SEC63: variants seen among roughly 807,000 people sequenced by gnomAD.
SEC63 encodes the protein translocation protein SEC63 homolog.
Under a neutral mutation model 116.2 loss-of-function variants are expected in SEC63, and 56 were observed. The ratio of observed to expected loss-of-function variants is 0.48; its 90% CI spans 0.39 to 0.60. SEC63 has a LOEUF of 0.60. Among genes scored for constraint, SEC63 ranks in the 20% least tolerant of loss-of-function variants. SEC63 has a pLI of 0.00. For synonymous variants in SEC63, 273 were observed against 294.6 expected (o/e 0.93, Z 0.75); for missense variants, 668 against 900.0 (o/e 0.74, Z 3.30).
Position 107,871,711 on chromosome 6 carries a change from T to C in SEC63, c.2276A>G (p.Asp759Gly). 1 of 1,612,560 alleles carries C rather than the reference T, an allele frequency of 6.2e-7. No homozygotes were observed. Among genetic ancestry groups the C allele is most frequent in the Non-Finnish European group, 8.5e-7 (1 of 1,179,750 alleles). ...GTCCATTCAGAGTACTGCTTAGTCA[T>C]CATCTTCTTCTTCCTCCTCTTCTTC... ...FEEEEEEEED[D>G]D is the part of the protein sequence containing the mutation. The change falls in exon 21 of 21, where the codon GAT becomes GGT. Residue 759 changes from aspartate (D) to glycine (G), a missense_variant. Physicochemically the swap from Asp to Gly is moderately conservative, Grantham distance 94. This residue lies in a region of SEC63 where 85 missense variants were observed against 116.3 expected (regional missense o/e 0.73). Transcript: ENST00000369002.
intron 16 of SEC63, among the ~76,000 whole-genome samples, chr6:107,886,990 T>C (rs1243953002): frequency 6.6e-6 from 1 of 152,176 alleles, no homozygotes; most frequent in East Asian, 1.9e-4. Context: ...TTGCCTAGGT[T>C]TTCTTCTAGG....
rs1562309753 is a variant in SEC63, at chr6:107,869,914, CA to C, written c.*1789del. 3.2e-4 allele frequency: 2 copies of C among 6,172 alleles called. No individual in the cohort carries two copies. Among genetic ancestry groups the C allele is most frequent in the Non-Finnish European group, 1.6e-3 (2 of 1,256 alleles). 0.4% of individuals were successfully genotyped at this position (6,172 alleles called of 1,614,324 possible). A position where few individuals can be genotyped will look rare whatever the true frequency, so the allele number is the denominator to read the frequency against. ...AAAGTAGCCACTAGAAAAAAAAAAA[CA>C]ACTTTTCTTGAAATCTTTCAAGAAA... On this transcript the variant is annotated 3_prime_UTR_variant, in exon 21 of 21. Transcript: ENST00000369002.
At chr6:107,900,442 GACC>G (rs772905585) in intron 13 of SEC63, among the ~76,000 whole-genome samples, 5 of 151,936 alleles carry the variant, frequency 3.3e-5, no homozygotes, top group Admixed American at 6.6e-5. Context: ...AGAAGCTCGT[GACC>G]AGCCTGGGCA....
At chr6:107,895,119 T>A (rs1335096514) in intron 14 of SEC63, among the ~76,000 whole-genome samples, 1 of 152,242 alleles carries the variant, frequency 6.6e-6, no homozygotes, top group African/African-American at 2.4e-5. Flanking sequence ...CATACAAGAA[T>A]GGGAAGATAA....
At chr6:107,957,616 G>A in intron 1 of SEC63, 2 of 283,348 alleles carry the variant, frequency 7.1e-6, no homozygotes, top group East Asian at 1.2e-4. Context: ...AGAAGACAAA[G>A]AGGCAGGAGG....
chr6:107,899,057 T>C (rs1430949999), intron 13 of SEC63, among the ~76,000 whole-genome samples: 1 of 152,240 alleles, frequency 6.6e-6, no homozygotes, highest in Admixed American at 6.5e-5. Context: ...CACAGCTGTA[T>C]GTGCACAAGC....
At chr6:107,953,580 GC>G (rs1770626982) in intron 1 of SEC63, among the ~76,000 whole-genome samples, 1 of 145,284 alleles carries the variant, frequency 6.9e-6, no homozygotes, top group African/African-American at 2.6e-5. Flanking sequence ...GGGGGGGTCA[GC>G]CCCCCGCCCG....
chr6:107,883,071 C>T lies in SEC63; in HGVS notation c.1750G>A (p.Asp584Asn), dbSNP rs754640008. The T allele has an allele frequency of 1.2e-6, 2 of 1,613,142 alleles. No homozygotes were observed. Among genetic ancestry groups the T allele is most frequent in the Admixed American group, 1.7e-5 (1 of 59,968 alleles). ...SDSEEEETNR[D>N]SQSEKDDGSD... ...CCATCATCTTTCTCACTTTGGGAATCTCTATTGGTTTCTTCTTCTTCAGAA... is the reference window on the plus strand; with the variant it reads ...CCATCATCTTTCTCACTTTGGGAATTTCTATTGGTTTCTTCTTCTTCAGAA... Residue 584 changes from aspartate to asparagine, a missense_variant, in exon 17 of 21, where the codon GAT becomes AAT. Coordinates refer to ENST00000369002, the MANE Select transcript of SEC63 (RefSeq NM_007214.5).
At chr6:107,912,976 T>G (rs1228757212) in intron 5 of SEC63, among the ~76,000 whole-genome samples, 2 of 152,142 alleles carry the variant, frequency 1.3e-5, no homozygotes, top group Non-Finnish European at 2.9e-5. Context: ...TTCAAATTTT[T>G]CAAGGAAAAA....
chr6:107,956,766 C>T (rs1325225602), intron 1 of SEC63, among the ~76,000 whole-genome samples: 3 of 152,138 alleles, frequency 2.0e-5, no homozygotes, highest in Admixed American at 6.5e-5. Flanking sequence ...GACACTGAAT[C>T]CATCTGAAAG....
chr6:107,934,280 G>T (rs548316516), intron 1 of SEC63, among the ~76,000 whole-genome samples: 1 of 150,904 alleles, frequency 6.6e-6, no homozygotes, highest in Admixed American at 6.6e-5. Flanking sequence ...AGTGAGGAGC[G>T]TCTCTGCCCG....
At chr6:107,942,455 C>A (rs182164367) in intron 1 of SEC63, among the ~76,000 whole-genome samples, 3 of 152,190 alleles carry the variant, frequency 2.0e-5, no homozygotes, top group Non-Finnish European at 4.4e-5. Context: ...GAATGATGAA[C>A]TCCTTTATTT....
intron 11 of SEC63, 38 bp from the exon 12 acceptor site, chr6:107,903,036 T>C: frequency 6.2e-7 from 1 of 1,607,882 alleles, no homozygotes; most frequent in South Asian, 1.1e-5. Flanking sequence ...AGGGCTGGAC[T>C]TTTTACATGT....
At chr6:107,935,791 A>T (rs1039326564) in intron 1 of SEC63, among the ~76,000 whole-genome samples, 4 of 151,922 alleles carry the variant, frequency 2.6e-5, no homozygotes, top group African/African-American at 4.8e-5. Flanking sequence ...ATCAATTAAA[A>T]AAAATAAAAT....
intron 12 of SEC63, among the ~76,000 whole-genome samples, chr6:107,902,345 GA>G (rs1787024860): frequency 6.6e-6 from 1 of 151,880 alleles, no homozygotes; most frequent in South Asian, 2.1e-4. Flanking sequence ...TCTCCTACTA[GA>G]ATTGTAACTT....
At chr6:107,913,608 C>T (rs1249805048) in intron 4 of SEC63, among the ~76,000 whole-genome samples, 181 bp from the exon 5 acceptor site, 1 of 152,140 alleles carries the variant, frequency 6.6e-6, no homozygotes. Flanking sequence ...TGCGCATTAA[C>T]AGAAAATGCT....
intron 14 of SEC63, among the ~76,000 whole-genome samples, chr6:107,894,350 T>C (rs1786764584): frequency 6.6e-6 from 1 of 152,146 alleles, no homozygotes; most frequent in Non-Finnish European, 1.5e-5. Context: ...GTGATACTGC[T>C]TATTGGACCT....
intron 18 of SEC63, among the ~76,000 whole-genome samples, chr6:107,880,782 C>T (rs948443544): frequency 4.6e-5 from 7 of 152,090 alleles, no homozygotes. Flanking sequence ...TAAAACTTGG[C>T]AGAGGTGAGA....
In SEC63 at chr6:107,921,858, A is replaced by G; in HGVS notation, c.391T>C (p.Tyr131His). The G allele has an allele frequency of 6.2e-7, 1 of 1,613,096 alleles. No homozygotes were observed. Among genetic ancestry groups the G allele is most frequent in the Non-Finnish European group, 8.5e-7 (1 of 1,179,232 alleles). The change falls in exon 4 of 21, where the codon TAT (tyrosine) becomes CAT (histidine). Residue 131 changes from tyrosine (Y) to histidine (H), a missense_variant. Tyr to His is a moderately conservative substitution (Grantham distance 83). Coordinates refer to ENST00000369002, the MANE Select transcript of SEC63 (RefSeq NM_007214.5). Reference protein sequence around the residue: ...KKQYRLLSLKYHPDKGGDEVM... With the variant: ...KKQYRLLSLKHHPDKGGDEVM... ...TCATCACCTCCTTTATCTGGATGAT[A>G]TTTAAGTGACAGCAAACGATATTGT...
Sources: gnomAD v4.1 joint callset for allele counts (sites outside exome capture counted in the v4.1 genomes callset) on GRCh38, gnomAD v4.1.1 for gene constraint, gnomAD v4.1.1 regional missense constraint, MANE v1.5 for transcripts, NCBI Gene and HGNC (gene_info 2026-07-23, HGNC 2026-07-21) for gene names.